Variants in CRISPLD2 observed in about 807,000 individuals in gnomAD.
CRISPLD2 encodes cysteine-rich secretory protein LCCL domain-containing 2.
A neutral mutation model predicts 71.1 loss-of-function variants in CRISPLD2; 47 were observed. That is an observed-to-expected ratio of 0.66 (90% CI 0.52 to 0.84). The LOEUF is 0.84. CRISPLD2 is among the 40% of genes least tolerant of loss of function. The pLI, the probability that CRISPLD2 is intolerant of heterozygous loss-of-function variation, is 0.00. For missense variants in CRISPLD2, 830 were observed against 651.1 expected (o/e 1.27, Z -2.99); for synonymous variants, 317 against 250.1 (o/e 1.27, Z -2.52).
At chr16:84,879,487 C>T (rs958281139) in intron 12 of CRISPLD2, among the ~76,000 whole-genome samples, 21 of 152,146 alleles carry the variant, frequency 1.4e-4, no homozygotes, top group African/African-American at 4.1e-4. Context: ...CTCAGCGTCC[C>T]GCGTAGCTGG....
At chr16:84,844,103 C>G (rs572872278) in intron 2 of CRISPLD2, among the ~76,000 whole-genome samples, 1 of 152,374 alleles carries the variant, frequency 6.6e-6, no homozygotes, top group African/African-American at 2.4e-5. Flanking sequence ...GGAGGAAGTG[C>G]AGCGTCAGCT....
At chr16:84,855,838 C>G (rs1425513436) in intron 6 of CRISPLD2, among the ~76,000 whole-genome samples, 1 of 152,200 alleles carries the variant, frequency 6.6e-6, no homozygotes, top group Non-Finnish European at 1.5e-5. Context: ...ATCCCCAACC[C>G]AAATACTATG....
intron 1 of CRISPLD2, among the ~76,000 whole-genome samples, chr16:84,825,617 G>C (rs138817642): frequency 2.0e-5 from 3 of 152,122 alleles, no homozygotes; most frequent in African/African-American, 4.8e-5. Flanking sequence ...TTAGCTAGGC[G>C]TGGTGGTGCA....
chr16:84,892,975 C>CAA (rs35939092), intron 14 of CRISPLD2, among the ~76,000 whole-genome samples: 128 of 64,566 alleles, frequency 2.0e-3, no homozygotes, highest in African/African-American at 2.7e-3. Context: ...GACTCCATCT[C>CAA]AAAAAAAAAA....
chr16:84,845,050 A>G (rs1916875072), intron 2 of CRISPLD2, among the ~76,000 whole-genome samples: 1 of 152,200 alleles, frequency 6.6e-6, no homozygotes, highest in Non-Finnish European at 1.5e-5. Context: ...TGGCCTAGGA[A>G]TAGCATCTGA....
chr16:84,875,348 C>T (rs958664480), intron 11 of CRISPLD2, among the ~76,000 whole-genome samples: 1 of 151,050 alleles, frequency 6.6e-6, no homozygotes, highest in Non-Finnish European at 1.5e-5. Context: ...GCATGTAGCC[C>T]AGGACGACTC....
intron 10 of CRISPLD2, chr16:84,873,518 CAAAAAAAAAA>C (rs2071491785): frequency 7.8e-6 from 1 of 127,980 alleles, no homozygotes; most frequent in African/African-American, 3.1e-5. Context: ...AAAAAAAAAA[CAAAAAAAAAA>C]CCCACAGCTC....
At chr16:84,837,175 C>T (rs1916641456) in intron 1 of CRISPLD2, among the ~76,000 whole-genome samples, 1 of 152,242 alleles carries the variant, frequency 6.6e-6, no homozygotes, top group South Asian at 2.1e-4. Context: ...CTCGTTCAAG[C>T]CCTTCCTTGT....
At chr16:84,850,938 C>CT (rs1057046440) in intron 5 of CRISPLD2, among the ~76,000 whole-genome samples, 1 of 151,946 alleles carries the variant, frequency 6.6e-6, no homozygotes, top group African/African-American at 2.4e-5. Flanking sequence ...TCACATCTCC[C>CT]CAAGCACAAG....
At chr16:84,848,460 TAA>T (rs33922205) in intron 3 of CRISPLD2, among the ~76,000 whole-genome samples, 16 of 144,990 alleles carry the variant, frequency 1.1e-4, no homozygotes, top group African/African-American at 3.8e-4. Context: ...CCCTAGTTAT[TAA>T]AAAAAAAAAA....
At chr16:84,826,079 A>G (rs560847324) in intron 1 of CRISPLD2, among the ~76,000 whole-genome samples, 1 of 152,196 alleles carries the variant, frequency 6.6e-6, no homozygotes, top group Non-Finnish European at 1.5e-5. Context: ...CTGTTGTAAC[A>G]AAGCATCCTG....
intron 5 of CRISPLD2, among the ~76,000 whole-genome samples, chr16:84,853,039 C>T (rs1179562175): frequency 6.6e-6 from 1 of 152,144 alleles, no homozygotes; most frequent in Non-Finnish European, 1.5e-5. Context: ...TGCACTCCAG[C>T]CTGGGTGACA....
At position 84,884,625 on chromosome 16, in the gene CRISPLD2, G is replaced by T. The variant is rs112511201; in HGVS notation, c.1305+4041G>T. On this transcript the variant is annotated intron_variant, in intron 13 of 14. Coordinates refer to ENST00000262424, the MANE Select transcript of CRISPLD2 (RefSeq NM_031476.4). ...TTTACTGAAGCCTGTGAGAGGAGAGGTGTGGAGGAAGGAAGAAAGGAGGAA... is the reference window on the plus strand; with the variant it reads ...TTTACTGAAGCCTGTGAGAGGAGAGTTGTGGAGGAAGGAAGAAAGGAGGAA... Among the ~76,000 whole-genome samples the T allele has an allele frequency of 2.1e-3, 296 of 141,276 alleles. 2 individuals are homozygous for T. The highest frequency in any genetic ancestry group is 8.3e-3 in the African/African-American group (258 of 31,186). 92.7% of individuals were successfully genotyped at this position (141,276 alleles called of 152,430 possible).
At chr16:84,888,993 G>C (rs953152745) in intron 13 of CRISPLD2, among the ~76,000 whole-genome samples, 6 of 152,192 alleles carry the variant, frequency 3.9e-5, no homozygotes, top group South Asian at 2.1e-4. Context: ...CTAATTCCGT[G>C]CCTGGCATAT....
chr16:84,840,761 C>G (rs951317147), intron 2 of CRISPLD2, among the ~76,000 whole-genome samples: 3 of 152,114 alleles, frequency 2.0e-5, no homozygotes, highest in South Asian at 4.1e-4. Flanking sequence ...AGGCTGGTCA[C>G]AAACTCCTGA....
intron 8 of CRISPLD2, among the ~76,000 whole-genome samples, chr16:84,869,763 C>T (rs1374327941): frequency 1.3e-5 from 2 of 152,274 alleles, no homozygotes; most frequent in East Asian, 1.9e-4. Flanking sequence ...GTGTGCACTG[C>T]CCCGTCTGGG....
intron 6 of CRISPLD2, among the ~76,000 whole-genome samples, chr16:84,859,149 C>T (rs150311335): frequency 6.6e-6 from 1 of 152,298 alleles, no homozygotes; most frequent in Non-Finnish European, 1.5e-5. Flanking sequence ...AATAGCCCTC[C>T]CTTACCTGTC....
chr16:84,830,048 C>T (rs937551366), intron 1 of CRISPLD2, among the ~76,000 whole-genome samples: 6 of 152,202 alleles, frequency 3.9e-5, no homozygotes, highest in South Asian at 2.1e-4. Flanking sequence ...TCAGGGCCAG[C>T]GTAGTGGCTC....
At chr16:84,893,109 C>A (rs1339497919) in intron 14 of CRISPLD2, among the ~76,000 whole-genome samples, 1 of 151,838 alleles carries the variant, frequency 6.6e-6, no homozygotes, top group South Asian at 2.1e-4. Flanking sequence ...GAGCCCCCAA[C>A]AGGGTGATGG....
Sources: allele counts gnomAD v4.1 joint callset (sites outside exome capture counted in the v4.1 genomes callset), GRCh38; gene constraint gnomAD v4.1.1; transcripts MANE v1.5; gene names NCBI Gene and HGNC (gene_info 2026-07-23, HGNC 2026-07-21).